The following CACNA1E variants were observed in gnomAD, a reference collection of about 807,000 sequenced individuals.
CACNA1E encodes voltage-dependent R-type calcium channel subunit alpha-1E.
A neutral mutation model predicts 259.2 loss-of-function variants in CACNA1E; 40 were observed. The observed-to-expected ratio is 0.15, with a 90% confidence interval of 0.12 to 0.20. The LOEUF is 0.20. Ranked by LOEUF, CACNA1E falls within the 10% of genes least tolerant of loss-of-function variation. The pLI is 1.00. For synonymous variants in CACNA1E, 1,104 were observed against 1,138.5 expected, an observed-to-expected ratio of 0.97 and a Z score of 0.61; for missense variants, 1,874 against 3,040.1, an observed-to-expected ratio of 0.62 and a Z score of 9.02.
chr1:181,539,888 T>C (rs1286569687), intron 3 of CACNA1E, among the ~76,000 whole-genome samples: 1 of 152,196 alleles, frequency 6.6e-6, no homozygotes, highest in Admixed American at 6.5e-5. Context: ...TATTACTTAT[T>C]ATAGGTCTTG....
intron 3 of CACNA1E, among the ~76,000 whole-genome samples, chr1:181,538,675 A>T (rs6424816): frequency 0.98 from 149,351 of 152,152 alleles, 73,349 homozygotes; most frequent in East Asian, 1. Context: ...GAAAAAAAAA[A>T]CACAGAGAGG....
At chr1:181,753,746 T>C (rs1657804976) in intron 27 of CACNA1E, among the ~76,000 whole-genome samples, 1 of 152,142 alleles carries the variant, frequency 6.6e-6, no homozygotes, top group African/African-American at 2.4e-5. Flanking sequence ...ACCCCAGACC[T>C]CCTTCAGGCC....
rs540696801 is a variant in CACNA1E, at chr1:181,749,346, C to T, written c.3720-1130C>T. 2.0e-5 allele frequency among the ~76,000 whole-genome samples: 3 copies of T among 152,282 alleles called. No homozygotes were observed. In the East Asian group the frequency reaches 5.8e-4, roughly 29 times the overall value. On this transcript the variant is annotated intron_variant, in intron 25 of 47. Transcript: ENST00000367573. ...TTTCTAAACTCACTCAGTGAATGAT[C>T]TTAGGCAAGGCACTTCCTCCTGGGG...
chr1:181,583,972 C>T (rs1651809003), intron 6 of CACNA1E, among the ~76,000 whole-genome samples: 1 of 152,156 alleles, frequency 6.6e-6, no homozygotes, highest in Non-Finnish European at 1.5e-5. Context: ...ACAATGTGTT[C>T]TCCTTCTGAT....
chr1:181,380,358 TAAAAG>T (rs1172615360), intron 1 of CACNA1E, among the ~76,000 whole-genome samples: 1 of 151,686 alleles, frequency 6.6e-6, no homozygotes, highest in Non-Finnish European at 1.5e-5. Flanking sequence ...TCTTAAGAAA[TAAAAG>T]AAAGAAGAGC....
intron 6 of CACNA1E, among the ~76,000 whole-genome samples, chr1:181,600,816 A>G (rs1412233056): frequency 2.6e-5 from 4 of 152,240 alleles, no homozygotes; most frequent in Middle Eastern, 3.4e-3. Flanking sequence ...AGAGCAAGAG[A>G]TATACACTTG....
intron 2 of CACNA1E, among the ~76,000 whole-genome samples, chr1:181,441,392 T>C (rs1467800166): frequency 6.6e-6 from 1 of 152,218 alleles, no homozygotes; most frequent in African/African-American, 2.4e-5. Context: ...CCTCATGATC[T>C]GCCTCCCTCA....
chr1:181,757,308 A>G (rs1245787376), intron 30 of CACNA1E, among the ~76,000 whole-genome samples, 182 bp downstream of exon 30: 1 of 152,234 alleles, frequency 6.6e-6, no homozygotes, highest in East Asian at 1.9e-4. Flanking sequence ...AGGCCCACGT[A>G]TGAGGCACGG....
Position 181,798,568 on chromosome 1 carries a change from C to A in CACNA1E, c.6676C>A (p.Arg2226Ser), listed in dbSNP as rs746785304. Reference protein sequence around the residue: ...PQQSQHASPQRYISEPYLALH... With the variant: ...PQQSQHASPQSYISEPYLALH... ...GCAGAGCCAACATGCCTCCCCACAGCGCTACATCTCCGAGCCCTACTTGGC... is the reference window on the plus strand; with the variant it reads ...GCAGAGCCAACATGCCTCCCCACAGAGCTACATCTCCGAGCCCTACTTGGC... The change falls in exon 48 of 48, where the codon CGC becomes AGC. Residue 2226 changes from arginine to serine, a missense_variant. By Grantham distance (110) the Arg-to-Ser change is moderately radical. Transcript: ENST00000367573. This position sits in a 1 kb window ranked among gnomAD's most constrained non-coding sequence, Gnocchi z 4.2. 6.2e-7 allele frequency: 1 copy of A among 1,613,542 alleles called. No homozygotes were observed. The highest frequency in any genetic ancestry group is 1.1e-5 in the South Asian group (1 of 91,088).
chr1:181,434,225 G>C (rs1171597561), intron 2 of CACNA1E, among the ~76,000 whole-genome samples: 1 of 152,144 alleles, frequency 6.6e-6, no homozygotes, highest in Non-Finnish European at 1.5e-5. Flanking sequence ...TTAAATGAGA[G>C]AGACATATAA....
At chr1:181,442,592 G>T (rs1660570639) in intron 2 of CACNA1E, among the ~76,000 whole-genome samples, 1 of 150,766 alleles carries the variant, frequency 6.6e-6, no homozygotes. Context: ...CCTCTGTTGG[G>T]GGCAGGCCAG....
chr1:181,673,073 G>A (rs1648969971), intron 7 of CACNA1E, among the ~76,000 whole-genome samples: 1 of 152,180 alleles, frequency 6.6e-6, no homozygotes, highest in South Asian at 2.1e-4. Flanking sequence ...TAATTGAGAG[G>A]GTTGTCAGTA....
intron 3 of CACNA1E, among the ~76,000 whole-genome samples, chr1:181,549,790 C>T (rs554513088): frequency 2.7e-4 from 41 of 152,190 alleles, no homozygotes; most frequent in Non-Finnish European, 2.8e-4. Flanking sequence ...GCACAGTGTC[C>T]GTGGAGAACG....
At chr1:181,340,263 C>T (rs989098523) in intron 1 of CACNA1E, among the ~76,000 whole-genome samples, 6 of 151,886 alleles carry the variant, frequency 4.0e-5, no homozygotes, top group Non-Finnish European at 7.4e-5. Flanking sequence ...TAGGTATATG[C>T]ATCTGTTTCA....
intron 1 of CACNA1E, among the ~76,000 whole-genome samples, chr1:181,322,925 G>A (rs749472621): frequency 6.6e-6 from 1 of 152,216 alleles, no homozygotes; most frequent in Non-Finnish European, 1.5e-5. Flanking sequence ...CCAGGATGAA[G>A]GTGTGATGCT....
chr1:181,423,394 G>C (rs932619368), intron 2 of CACNA1E, among the ~76,000 whole-genome samples: 5 of 152,282 alleles, frequency 3.3e-5, no homozygotes, highest in Middle Eastern at 6.8e-3. Flanking sequence ...GAGGAAGCTG[G>C]GGTCCTGAGA....
At chr1:181,495,897 C>T (rs1306018205) in intron 1 of CACNA1E, among the ~76,000 whole-genome samples, 1 of 152,160 alleles carries the variant, frequency 6.6e-6, no homozygotes, top group African/African-American at 2.4e-5. Context: ...AAGTGCTGCC[C>T]ATGAGTTATT....
At chr1:181,741,162 T>C (rs1428354774) in intron 25 of CACNA1E, among the ~76,000 whole-genome samples, 1 of 152,190 alleles carries the variant, frequency 6.6e-6, no homozygotes, top group East Asian at 1.9e-4. Context: ...TAGAAGCATA[T>C]AGGAAAGAAC....
intron 1 of CACNA1E, among the ~76,000 whole-genome samples, chr1:181,387,092 G>C (rs908776823): frequency 6.6e-6 from 1 of 152,110 alleles, no homozygotes; most frequent in Non-Finnish European, 1.5e-5. Flanking sequence ...AGCCCTCCGA[G>C]AGTACACAGG....
Sources: gnomAD v4.1 joint callset for allele counts (sites outside exome capture counted in the v4.1 genomes callset) on GRCh38, gnomAD v4.1.1 for gene constraint, Gnocchi (gnomAD v3.1) non-coding constraint, MANE v1.5 for transcripts, NCBI Gene and HGNC (gene_info 2026-07-23, HGNC 2026-07-21) for gene names.